LRP1B: variants seen among roughly 807,000 people sequenced by gnomAD.
The protein encoded by LRP1B is low-density lipoprotein receptor-related protein 1B.
LRP1B carries 217 observed loss-of-function variants against 556.6 expected under a neutral mutation model. That is an observed-to-expected ratio of 0.39 (90% CI 0.35 to 0.44). The LOEUF (loss-of-function observed/expected upper bound fraction) is 0.44, where lower values mean the gene tolerates loss of function less well. Ranked by LOEUF, LRP1B falls within the 20% of genes least tolerant of loss-of-function variation. LRP1B has a pLI of 1.00. For missense variants in LRP1B, 5,053 were observed against 5,620.8 expected (o/e 0.90, Z 3.23); for synonymous variants, 2,047 against 1,865.8 (o/e 1.10, Z -2.50).
At chr2:140,449,770 T>G (rs1159492321) in intron 63 of LRP1B, among the ~76,000 whole-genome samples, 1 of 152,164 alleles carries the variant, frequency 6.6e-6, no homozygotes, top group Non-Finnish European at 1.5e-5. Context: ...TCTTCTGTCT[T>G]TGTGTAGTAC....
Position 141,466,182 on chromosome 2 carries a change from C to G in LRP1B, c.343+14214G>C, listed in dbSNP as rs1329400155. ...GATTACAGGCATGAGCCACTGCGCC[C>G]GGCCTAAATATTTTTGTTTATATAA... On this transcript the variant is annotated intron_variant, in intron 3 of 90. Transcript: ENST00000389484. 2.0e-5 allele frequency among the ~76,000 whole-genome samples: 3 copies of G among 152,184 alleles called. No individual in the cohort carries two copies. The East Asian group carries it at 5.8e-4, about 29-fold the overall frequency.
chr2:140,776,187 C>T lies in LRP1B; in HGVS notation c.5411G>A (p.Ser1804Asn), dbSNP rs1331340056. The T allele has an allele frequency of 1.2e-6, 2 of 1,602,510 alleles. No homozygotes were observed. The highest frequency in any genetic ancestry group is 2.3e-5 in the East Asian group (1 of 43,796). ...GGTGGGGTTTCTTCCGTCTCTTTTG[C>T]TGCAGGTTCCTAGCTGGGCTAAGTT... is the stretch of plus-strand genomic sequence containing the variant. ...DQNLAQLGTC[S>N]KRDGRNPTIL... The change falls in exon 33 of 91, where the codon AGC becomes AAC. Residue 1804 changes from serine to asparagine, a missense_variant. By Grantham distance (46) the Ser-to-Asn change is conservative. Transcript: ENST00000389484.
intron 2 of LRP1B, among the ~76,000 whole-genome samples, chr2:141,619,537 CT>C (rs1345170610): frequency 2.0e-5 from 3 of 152,132 alleles, no homozygotes; most frequent in African/African-American, 7.2e-5. Context: ...TGTAATCCGC[CT>C]GTCTGATTAG....
At chr2:142,023,678 C>G (rs947324255) in intron 1 of LRP1B, among the ~76,000 whole-genome samples, 1 of 152,146 alleles carries the variant, frequency 6.6e-6, no homozygotes, top group Admixed American at 6.5e-5. Context: ...CACAAAATGC[C>G]TTGAGCCAAT....
At chr2:140,451,374 A>T (rs1686880229) in intron 62 of LRP1B, among the ~76,000 whole-genome samples, 1 of 152,216 alleles carries the variant, frequency 6.6e-6, no homozygotes, top group Non-Finnish European at 1.5e-5. Context: ...AAATAGGGCT[A>T]AAAGCTATCA....
intron 66 of LRP1B, among the ~76,000 whole-genome samples, chr2:140,405,730 A>C (rs1684703973): frequency 6.6e-6 from 1 of 152,180 alleles, no homozygotes; most frequent in African/African-American, 2.4e-5. Context: ...CAAAAAGCCC[A>C]GAACCAGATG....
intron 40 of LRP1B, 86 bp downstream of exon 40, chr2:140,701,635 G>A (rs1343169022): frequency 4.5e-6 from 6 of 1,340,452 alleles, no homozygotes; most frequent in Non-Finnish European, 6.2e-6. Flanking sequence ...ACTTATAGAA[G>A]AATTTCTAAG....
At chr2:140,657,052 T>C (rs1489699895) in intron 41 of LRP1B, among the ~76,000 whole-genome samples, 1 of 152,114 alleles carries the variant, frequency 6.6e-6, no homozygotes, top group East Asian at 1.9e-4. Context: ...AGAGCTTCTA[T>C]ATATACCTCA....
At chr2:141,719,959 C>A (rs572160690) in intron 2 of LRP1B, among the ~76,000 whole-genome samples, 2 of 152,162 alleles carry the variant, frequency 1.3e-5, no homozygotes, top group South Asian at 4.1e-4. Flanking sequence ...GAAATATACC[C>A]ATGCAACAAA....
chr2:141,988,131 T>G (rs1702251041), intron 1 of LRP1B, among the ~76,000 whole-genome samples: 1 of 151,800 alleles, frequency 6.6e-6, no homozygotes, highest in Non-Finnish European at 1.5e-5. Context: ...ATAAAACTAT[T>G]AAGAACTTGG....
At chr2:140,851,889 T>C in intron 27 of LRP1B, 106 bp from the exon 28 acceptor site, 1 of 959,398 alleles carries the variant, frequency 1.0e-6, no homozygotes, top group Middle Eastern at 2.2e-4. Context: ...TAAAGTTTCC[T>C]ACATAGAACC....
At chr2:140,851,991 A>T (rs1304041337) in intron 27 of LRP1B, among the ~76,000 whole-genome samples, 1 of 152,120 alleles carries the variant, frequency 6.6e-6, no homozygotes, top group Admixed American at 6.5e-5. Flanking sequence ...AACTAAGAAA[A>T]CTCCATCAAT....
chr2:141,470,120 A>G (rs1682405227), intron 3 of LRP1B, among the ~76,000 whole-genome samples: 1 of 152,222 alleles, frequency 6.6e-6, no homozygotes, highest in South Asian at 2.1e-4. Flanking sequence ...GTGGGAATAC[A>G]TTATTCAAAA....
At chr2:141,808,215 C>G (rs1390467962) in intron 2 of LRP1B, among the ~76,000 whole-genome samples, 2 of 152,080 alleles carry the variant, frequency 1.3e-5, no homozygotes, top group African/African-American at 4.8e-5. Flanking sequence ...GGTGTTTCCC[C>G]TCCACCCTGG....
chr2:141,833,781 A>G (rs1304118956), intron 1 of LRP1B, among the ~76,000 whole-genome samples: 3 of 151,882 alleles, frequency 2.0e-5, no homozygotes, highest in Non-Finnish European at 4.4e-5. Flanking sequence ...TATTAGAAGT[A>G]TGTACAAAAG....
intron 1 of LRP1B, among the ~76,000 whole-genome samples, chr2:142,037,171 C>A (rs1161305277): frequency 6.6e-6 from 1 of 151,542 alleles, no homozygotes; most frequent in Admixed American, 6.6e-5. Flanking sequence ...ATTCTGAATT[C>A]CTGAGGAAAA....
At position 140,923,016 on chromosome 2, in the gene LRP1B, C is replaced by T. The variant is rs1430218843; in HGVS notation, c.3268G>A (p.Gly1090Ser). The change falls in exon 21 of 91, where the codon GGT becomes AGT. Residue 1090 changes from glycine to serine, a missense_variant. Transcript: ENST00000389484. ...EDGSDEKGCN[G>S]TIRLCDHKTK... Reference sequence around the variant, plus strand: ...TTGTGGTCACACAATCGTATGGTACCATTGCAACCTTTTTCATCACTACCA... The same window carrying T: ...TTGTGGTCACACAATCGTATGGTACTATTGCAACCTTTTTCATCACTACCA... 1 of 1,613,140 alleles carries T rather than the reference C, an allele frequency of 6.2e-7. No individual in the cohort carries two copies. The highest frequency in any genetic ancestry group is 8.5e-7 in the Non-Finnish European group (1 of 1,179,380).
intron 2 of LRP1B, among the ~76,000 whole-genome samples, chr2:141,775,700 A>G (rs532793791): frequency 1.3e-5 from 2 of 152,172 alleles, no homozygotes; most frequent in Non-Finnish European, 2.9e-5. Context: ...AGGAATCTCA[A>G]AAAGACTTAC....
chr2:140,974,753 G>A lies in LRP1B; in HGVS notation c.2887+7407C>T, dbSNP rs549381332. On this transcript the variant is annotated intron_variant, in intron 18 of 90. Transcript: ENST00000389484. ...ACAAGGAGACACCAAGTATCCCCAC[G>A]TTCTACAGAGAGAAACCGATATTTG... 6.6e-5 allele frequency among the ~76,000 whole-genome samples: 10 copies of A among 152,274 alleles called. No individual in the cohort carries two copies. In the South Asian group the frequency reaches 1.9e-3, roughly 28 times the overall value.
Sources: allele counts gnomAD v4.1 joint callset (sites outside exome capture counted in the v4.1 genomes callset), GRCh38; gene constraint gnomAD v4.1.1; transcripts MANE v1.5; gene names NCBI Gene and HGNC (gene_info 2026-07-23, HGNC 2026-07-21).